The following RNF213 variants were observed in gnomAD, a reference collection of about 807,000 sequenced individuals.
The protein encoded by RNF213 is ring finger protein 213, also known as E3 ubiquitin-protein ligase RNF213.
In RNF213, 341 loss-of-function variants were observed where a neutral mutation model predicts 514.4. That is an observed-to-expected ratio of 0.66 (90% CI 0.61 to 0.73). The LOEUF is 0.73. RNF213 is among the 30% of genes least tolerant of loss of function. The probability of loss-of-function intolerance (pLI) is 0.00; values close to 1 mark genes in which losing one functional copy is unlikely to be tolerated. For synonymous variants in RNF213, 2,655 were observed against 2,658.2 expected (o/e 1.00, Z 0.04); for missense variants, 5,767 against 6,615.6 (o/e 0.87, Z 4.45).
rs775513383 is a variant in RNF213 at position 80,369,580 on chromosome 17, C to G, written c.12234C>G (p.Phe4078Leu). 1 of 1,614,238 alleles carries G rather than the reference C, an allele frequency of 6.2e-7. No individual in the cohort carries two copies. The change falls in exon 45 of 68, where the codon TTC (phenylalanine) becomes TTG (leucine). Residue 4078 changes from phenylalanine (F) to leucine (L), a missense_variant. Around this residue, in one of 13 missense-constraint regions of RNF213, gnomAD observed 93 missense variants for 95.6 expected, o/e 0.97. Transcript: ENST00000582970. ...FFVDLVSTICFKDNAPPEKEV... is the reference protein window; with the variant it reads ...FFVDLVSTICLKDNAPPEKEV... ...TAGACCTGGTGTCCACCATTTGCTT[C>G]AAGGACAACGCTCCGCCTGAGAAGG...
chr17:80,298,636 AAC>A, intron 11 of RNF213, 118 bp downstream of exon 11: 2 of 1,047,920 alleles, frequency 1.9e-6, no homozygotes, highest in Non-Finnish European at 2.9e-6. Context: ...TGACAGAACT[AAC>A]ACACGCTCTT....
chr17:80,336,807 G>A (rs2078000248), intron 23 of RNF213: 7 of 328,676 alleles, frequency 2.1e-5, no homozygotes, highest in South Asian at 1.7e-4. Context: ...TGGAGGCTGA[G>A]ACAGAATTGC....
chr17:80,368,281 C>T, intron 44 of RNF213, 138 bp downstream of exon 44: 1 of 867,324 alleles, frequency 1.2e-6, no homozygotes, highest in Non-Finnish European at 1.9e-6. Context: ...TAAGAGACGC[C>T]ACTTACGTAC....
At chr17:80,328,053 G>C in intron 19 of RNF213, 64 bp downstream of exon 19, 25 of 1,505,728 alleles carry the variant, frequency 1.7e-5, no homozygotes, top group East Asian at 2.5e-5. Context: ...AGACACGTTT[G>C]TGTTTGCGTG....
intron 13 of RNF213, among the ~76,000 whole-genome samples, chr17:80,307,849 C>T (rs1240897223): frequency 5.7e-5 from 7 of 121,902 alleles, no homozygotes; most frequent in African/African-American, 2.0e-4. Context: ...CATGCCTGGC[C>T]GTCTGTTTTT....
At chr17:80,265,080 C>CTTTTTTTTTTTTTTTTTTTTTT (rs2043569146) in intron 2 of RNF213, among the ~76,000 whole-genome samples, 13 of 97,194 alleles carry the variant, frequency 1.3e-4, no homozygotes, top group African/African-American at 4.8e-4. Context: ...TTTTTTTGTT[C>CTTTTTTTTTTTTTTTTTTTTTT]TTGTTGCTCT....
Position 80,377,659 on chromosome 17 carries a change from A to G in RNF213, c.13511-103A>G. On this transcript the variant is annotated intron_variant, in intron 53 of 67. Transcript: ENST00000582970. This position sits in a 1 kb window ranked among gnomAD's most constrained non-coding sequence, Gnocchi z 4.1. ...TGGGATGCTCTGGACAGTCATTCTC[A>G]TATTGTGGTCAGGGCCAGAGAGTAG... 1 of 1,249,174 alleles carries G rather than the reference A, an allele frequency of 8.0e-7. No individual in the cohort carries two copies. Among genetic ancestry groups the G allele is most frequent in the Non-Finnish European group, 1.2e-6 (1 of 846,980 alleles). 77.4% of individuals were successfully genotyped at this position (1,249,174 alleles called of 1,614,324 possible). A position where few individuals can be genotyped will look rare whatever the true frequency, so the allele number is the denominator to read the frequency against.
At position 80,264,191 on chromosome 17, in the gene RNF213, C is replaced by G. The variant is rs750124995; in HGVS notation, c.97+413C>G. 2.0e-5 allele frequency among the ~76,000 whole-genome samples: 3 copies of G among 152,128 alleles called. No individual in the cohort carries two copies. The highest frequency in any genetic ancestry group is 1.3e-4 in the Admixed American group (2 of 15,268). ...AGAGAGAGCTCACGGTTTTTCTTCC[C>G]CTTGGGAATGAGAAGTGTCGGGCTG... On this transcript the variant is annotated intron_variant, in intron 2 of 67. Coordinates refer to ENST00000582970, the MANE Select transcript of RNF213 (RefSeq NM_001256071.3). This position sits in a 1 kb window ranked among gnomAD's most constrained non-coding sequence, Gnocchi z 5.0.
chr17:80,350,290 T>A lies in RNF213; in HGVS notation c.10089-11T>A. 1.9e-6 allele frequency: 3 copies of A among 1,546,188 alleles called. No homozygotes were observed. Among genetic ancestry groups the A allele is most frequent in the Non-Finnish European group, 1.8e-6 (2 of 1,118,200 alleles). On this transcript the variant is annotated splice_polypyrimidine_tract_variant and intron_variant, in intron 30 of 67. Transcript: ENST00000582970. ...AGAGAACTCACTTGAATAACTTCCCTTTTCTTTCAGAAACTGTTTAACGAA... is the reference window on the plus strand; with the variant it reads ...AGAGAACTCACTTGAATAACTTCCCATTTCTTTCAGAAACTGTTTAACGAA...
In RNF213 at chr17:80,347,521, G is replaced by A; in HGVS notation, c.9186G>A (p.Gly3062=). ...LQILQQTFFE[G]DQQPEIIFGS... is the part of the protein sequence containing the mutation. ...TCCTGCAGCAGACATTCTTCGAGGG[G>A]GACCAGCAGCCGGAGATTATTTTTG... is the stretch of plus-strand genomic sequence containing the variant. Residue 3062 remains glycine (G), a synonymous_variant, in exon 29 of 68, where the codon GGG becomes GGA. Transcript: ENST00000582970. This position sits in a 1 kb window ranked among gnomAD's most constrained non-coding sequence, Gnocchi z 7.2. 1 of 1,614,088 alleles carries A rather than the reference G, an allele frequency of 6.2e-7. No individual in the cohort carries two copies. The highest frequency in any genetic ancestry group is 8.5e-7 in the Non-Finnish European group (1 of 1,180,042).
intron 3 of RNF213, among the ~76,000 whole-genome samples, chr17:80,281,617 C>G (rs2044300497): frequency 7.4e-6 from 1 of 134,578 alleles, no homozygotes; most frequent in Non-Finnish European, 1.6e-5. Flanking sequence ...ACTCACACCA[C>G]TCACACACAC....
At chr17:80,322,352 G>A (rs114144279) in intron 17 of RNF213, among the ~76,000 whole-genome samples, 49 of 151,880 alleles carry the variant, frequency 3.2e-4, no homozygotes, top group African/African-American at 1.1e-3. Context: ...TCTGTGGGCC[G>A]GGCATGGTGG....
Position 80,344,815 on chromosome 17 carries a change from CA to C in RNF213, c.6481del (p.Ser2161AlafsTer11). 6.2e-7 allele frequency: 1 copy of C among 1,614,140 alleles called. No individual in the cohort carries two copies. The highest frequency in any genetic ancestry group is 8.5e-7 in the Non-Finnish European group (1 of 1,180,032). On this transcript the variant is annotated frameshift_variant, in exon 29 of 68. Coordinates refer to ENST00000582970, the MANE Select transcript of RNF213 (RefSeq NM_001256071.3). LOFTEE classifies it high-confidence loss of function. The part of the protein sequence containing the change: ...EPGMDLWEFC[S>X]ETFQRPYQYL... Reference sequence around the variant, plus strand: ...CTGGGATGGATCTGTGGGAGTTCTGCAGCGAAACTTTCCAAAGACCTTACCA... The same window carrying C: ...CTGGGATGGATCTGTGGGAGTTCTGCGCGAAACTTTCCAAAGACCTTACCA...
At chr17:80,294,422 A>G (rs2044861482) in intron 8 of RNF213, among the ~76,000 whole-genome samples, 1 of 152,190 alleles carries the variant, frequency 6.6e-6, no homozygotes, top group African/African-American at 2.4e-5. Flanking sequence ...TTGCTGAGCT[A>G]CATAGTTAGA....
At chr17:80,328,579 G>C in intron 20 of RNF213, 102 bp downstream of exon 20, 6 of 1,265,078 alleles carry the variant, frequency 4.7e-6, no homozygotes, top group Non-Finnish European at 2.1e-6. Flanking sequence ...TTGGAGAGAA[G>C]GCTTTAAAAT....
chr17:80,349,718 T>A (rs1599083958), intron 29 of RNF213, 52 bp from the exon 30 acceptor site: 12 of 1,605,206 alleles, frequency 7.5e-6, no homozygotes, highest in Admixed American at 1.7e-5. Flanking sequence ...GCAGCAGACT[T>A]GCAACCTTTC....
intron 57 of RNF213, chr17:80,382,626 A>C: frequency 3.0e-6 from 1 of 332,310 alleles, no homozygotes. Flanking sequence ...AGCACTCCAC[A>C]TCTGTGTGGT....
chr17:80,319,415 G>A (rs541581943), intron 17 of RNF213, 103 bp downstream of exon 17: 37 of 1,614,166 alleles, frequency 2.3e-5, no homozygotes, highest in Middle Eastern at 1.6e-4. Context: ...CAGCTCCTCC[G>A]CTAACTCAGA....
intron 3 of RNF213, among the ~76,000 whole-genome samples, chr17:80,285,184 AT>A (rs2044427677): frequency 6.6e-6 from 1 of 152,140 alleles, no homozygotes; most frequent in Non-Finnish European, 1.5e-5. Context: ...GCTTTGTCCC[AT>A]TTGGTCACCC....
Sources: gnomAD v4.1 joint callset for allele counts (sites outside exome capture counted in the v4.1 genomes callset) on GRCh38, gnomAD v4.1.1 for gene constraint, gnomAD v4.1.1 regional missense constraint, Gnocchi (gnomAD v3.1) non-coding constraint, MANE v1.5 for transcripts, NCBI Gene and HGNC (gene_info 2026-07-23, HGNC 2026-07-21) for gene names.